The following ZMAT4 variants were observed in gnomAD, a reference collection of about 807,000 sequenced individuals.
The protein encoded by ZMAT4 is zinc finger matrin-type 4.
Under a neutral mutation model 28.7 loss-of-function variants are expected in ZMAT4, and 17 were observed. The observed-to-expected ratio is 0.59, with a 90% confidence interval of 0.41 to 0.89. ZMAT4 has a LOEUF of 0.89. ZMAT4 is among the 40% of genes least tolerant of loss of function. The pLI, the probability that ZMAT4 is intolerant of heterozygous loss-of-function variation, is 0.00. For synonymous variants in ZMAT4, 117 were observed against 109.2 expected (o/e 1.07, Z -0.44); for missense variants, 240 against 283.8 (o/e 0.85, Z 1.11).
chr8:40,761,816 A>G (rs1385484262), intron 3 of ZMAT4, among the ~76,000 whole-genome samples: 3 of 152,248 alleles, frequency 2.0e-5, no homozygotes, highest in Admixed American at 1.3e-4. Flanking sequence ...TTTACAATTT[A>G]TCATGCACCT....
intron 5 of ZMAT4, among the ~76,000 whole-genome samples, chr8:40,631,761 T>C (rs1165099312): frequency 6.6e-6 from 1 of 151,928 alleles, no homozygotes; most frequent in Non-Finnish European, 1.5e-5. Context: ...TTAGAGAGAG[T>C]TTTACGCTCT....
chr8:40,808,644 C>T (rs1297157687), intron 2 of ZMAT4: 2 of 429,304 alleles, frequency 4.7e-6, no homozygotes, highest in Non-Finnish European at 9.3e-6. Context: ...TACATGGTCA[C>T]ATTAGACATC....
chr8:40,622,956 A>G (rs1806250991), intron 5 of ZMAT4, among the ~76,000 whole-genome samples: 1 of 152,154 alleles, frequency 6.6e-6, no homozygotes, highest in African/African-American at 2.4e-5. Flanking sequence ...TTTAAGGCCA[A>G]CTCAAGTGTT....
chr8:40,534,722 G>A (rs1040638175), intron 6 of ZMAT4, among the ~76,000 whole-genome samples: 18 of 121,638 alleles, frequency 1.5e-4, no homozygotes, highest in Middle Eastern at 5.9e-3. Context: ...ACGCTTTGTC[G>A]CCCAGGCTGG....
At chr8:40,710,347 C>T (rs1415814210) in intron 3 of ZMAT4, among the ~76,000 whole-genome samples, 8 of 152,090 alleles carry the variant, frequency 5.3e-5, no homozygotes, top group South Asian at 4.1e-4. Context: ...TCTAATTCAT[C>T]GTTTCCTGCG....
intron 2 of ZMAT4, among the ~76,000 whole-genome samples, chr8:40,799,725 G>A (rs1052039576): frequency 6.6e-6 from 1 of 152,020 alleles, no homozygotes; most frequent in Non-Finnish European, 1.5e-5. Flanking sequence ...AATAATAATA[G>A]CAACAATGTA....
chr8:40,741,560 T>A (rs1250788128), intron 3 of ZMAT4, among the ~76,000 whole-genome samples: 5 of 152,272 alleles, frequency 3.3e-5, no homozygotes, highest in African/African-American at 9.6e-5. Context: ...ATTAAAAAGA[T>A]TGGTAATATC....
intron 6 of ZMAT4, among the ~76,000 whole-genome samples, chr8:40,551,733 T>C (rs1490510746): frequency 6.6e-6 from 1 of 152,200 alleles, no homozygotes; most frequent in Admixed American, 6.5e-5. Flanking sequence ...TACTAGTCTC[T>C]CACTTAGGTA....
chr8:40,877,375 T>C (rs1246725984), intron 1 of ZMAT4, among the ~76,000 whole-genome samples: 1 of 152,192 alleles, frequency 6.6e-6, no homozygotes, highest in Non-Finnish European at 1.5e-5. Context: ...TCTGTGTGGC[T>C]GTGAAGTCCC....
At chr8:40,814,724 G>A (rs1458706134) in intron 2 of ZMAT4, among the ~76,000 whole-genome samples, 2 of 152,298 alleles carry the variant, frequency 1.3e-5, no homozygotes, top group Non-Finnish European at 2.9e-5. Flanking sequence ...AAAGAAAATT[G>A]GAAAGTGGTT....
At chr8:40,667,497 G>A (rs774297338) in intron 5 of ZMAT4, among the ~76,000 whole-genome samples, 4 of 152,122 alleles carry the variant, frequency 2.6e-5, no homozygotes, top group Admixed American at 1.3e-4. Context: ...TGCAATGAGC[G>A]CAAGTATTGT....
intron 3 of ZMAT4, among the ~76,000 whole-genome samples, chr8:40,710,615 T>TG (rs199547233): frequency 3.5e-4 from 53 of 150,048 alleles, no homozygotes; most frequent in African/African-American, 8.2e-4. Context: ...CAGCCTTTTG[T>TG]GGGGGGAAAA....
intron 1 of ZMAT4, among the ~76,000 whole-genome samples, chr8:40,881,594 G>GAAAGAAAGAAAGA (rs1257055951): frequency 1.9e-4 from 21 of 108,498 alleles, no homozygotes; most frequent in Non-Finnish European, 3.8e-4. Context: ...AAGAAAGAAA[G>GAAAGAAAGAAAGA]AAAGAAAAGA....
At chr8:40,746,880 T>G (rs1477629790) in intron 3 of ZMAT4, among the ~76,000 whole-genome samples, 1 of 152,186 alleles carries the variant, frequency 6.6e-6, no homozygotes, top group Non-Finnish European at 1.5e-5. Context: ...CCTGGAATGC[T>G]CTTCCTTAAC....
chr8:40,793,534 T>C (rs529453139), intron 2 of ZMAT4, among the ~76,000 whole-genome samples: 11 of 152,352 alleles, frequency 7.2e-5, no homozygotes, highest in Admixed American at 2.0e-4. Context: ...ATTTGCTGCT[T>C]CCTTTCAAGC....
chr8:40,688,179 G>A (rs539661053), intron 4 of ZMAT4, among the ~76,000 whole-genome samples: 38 of 152,156 alleles, frequency 2.5e-4, no homozygotes, highest in African/African-American at 6.7e-4. Flanking sequence ...AAAATAGGCC[G>A]GGGGGCGGTG....
intron 6 of ZMAT4, among the ~76,000 whole-genome samples, chr8:40,540,315 C>T (rs1373187715): frequency 6.6e-6 from 1 of 152,124 alleles, no homozygotes; most frequent in African/African-American, 2.4e-5. Flanking sequence ...AGGGTCCCTC[C>T]TTCCCTTTTT....
chr8:40,883,706 G>A (rs1451335186), intron 1 of ZMAT4, among the ~76,000 whole-genome samples: 3 of 152,116 alleles, frequency 2.0e-5, no homozygotes, highest in Non-Finnish European at 4.4e-5. Flanking sequence ...AAAGTGCCCT[G>A]ATCTCCCCTA....
intron 3 of ZMAT4, among the ~76,000 whole-genome samples, chr8:40,708,142 A>G (rs1367231503): frequency 4.6e-5 from 7 of 152,242 alleles, no homozygotes; most frequent in Admixed American, 2.6e-4. Flanking sequence ...TCTGCATGCT[A>G]TCAGCATCTG....
Sources: gnomAD v4.1 joint callset for allele counts (sites outside exome capture counted in the v4.1 genomes callset) on GRCh38, gnomAD v4.1.1 for gene constraint, MANE v1.5 for transcripts, NCBI Gene and HGNC (gene_info 2026-07-23, HGNC 2026-07-21) for gene names.